The following IFI16 variants were observed in gnomAD, a reference collection of about 807,000 sequenced individuals.
The protein encoded by IFI16 is interferon gamma inducible protein 16.
IFI16 carries 49 observed loss-of-function variants against 68.4 expected under a neutral mutation model. The observed-to-expected ratio is 0.72, with a 90% confidence interval of 0.57 to 0.91. The LOEUF (loss-of-function observed/expected upper bound fraction) is 0.91. Among genes scored for constraint, IFI16 ranks in the 40% least tolerant of loss-of-function variants. IFI16 has a pLI of 0.00. For missense variants in IFI16, 878 were observed against 942.9 expected (o/e 0.93, Z 0.90); for synonymous variants, 307 against 315.0 (o/e 0.97, Z 0.27).
intron 1 of IFI16, among the ~76,000 whole-genome samples, chr1:159,014,114 G>A (rs534687118): frequency 3.2e-4 from 49 of 152,312 alleles, no homozygotes; most frequent in Non-Finnish European, 4.3e-4. Flanking sequence ...CAGAAGCCAT[G>A]GTCTAGCACC....
chr1:159,024,532 A>G (rs1339015988), intron 6 of IFI16, among the ~76,000 whole-genome samples: 1 of 152,198 alleles, frequency 6.6e-6, no homozygotes, highest in Non-Finnish European at 1.5e-5. Flanking sequence ...GCTCTTGAGT[A>G]GTTTAAAGGA....
intron 6 of IFI16, among the ~76,000 whole-genome samples, chr1:159,021,558 A>G (rs922928171): frequency 6.6e-6 from 1 of 152,146 alleles, no homozygotes; most frequent in Non-Finnish European, 1.5e-5. Flanking sequence ...GCTGCTGTAA[A>G]CATGCATGTG....
At chr1:159,043,573 C>T (rs1463756973) in intron 7 of IFI16, among the ~76,000 whole-genome samples, 2 of 152,176 alleles carry the variant, frequency 1.3e-5, no homozygotes, top group African/African-American at 4.8e-5. Context: ...AGCCGGGAAT[C>T]CTTGCTCTTA....
At chr1:159,026,401 C>T (rs748299463) in intron 6 of IFI16, among the ~76,000 whole-genome samples, 5 of 151,614 alleles carry the variant, frequency 3.3e-5, no homozygotes, top group African/African-American at 7.3e-5. Context: ...CGGGTTCAAG[C>T]GATTCTCCTG....
At chr1:159,044,854 G>T (rs1325958716) in intron 7 of IFI16, among the ~76,000 whole-genome samples, 1 of 152,052 alleles carries the variant, frequency 6.6e-6, no homozygotes, top group African/African-American at 2.4e-5. Context: ...GATCCCTAAA[G>T]GATGGAGATC....
intron 6 of IFI16, among the ~76,000 whole-genome samples, chr1:159,031,750 C>T (rs970731444): frequency 6.6e-6 from 1 of 152,094 alleles, no homozygotes; most frequent in African/African-American, 2.4e-5. Context: ...TTGAATATTC[C>T]ACTCACATTT....
chr1:159,015,768 G>A (rs1160950842), intron 2 of IFI16, 104 bp from the exon 3 acceptor site: 2 of 812,840 alleles, frequency 2.5e-6, no homozygotes, highest in African/African-American at 1.7e-5. Flanking sequence ...CCCTCAAGCA[G>A]GAACTGAGAG....
chr1:159,030,021 A>C (rs66831955), intron 6 of IFI16, among the ~76,000 whole-genome samples: 42,923 of 151,852 alleles, frequency 0.28, 8,148 homozygotes, highest in African/African-American at 0.54. Context: ...CATCTTTGTC[A>C]GATTGAGTTA....
chr1:159,043,554 C>T (rs1229844479), intron 7 of IFI16, among the ~76,000 whole-genome samples: 18 of 152,310 alleles, frequency 1.2e-4, no homozygotes, highest in South Asian at 6.2e-4. Flanking sequence ...GTCTGTGATT[C>T]GCAACGTAAG....
At chr1:159,003,784 C>T (rs1438759850), upstream of IFI16, among the ~76,000 whole-genome samples, 1 of 152,088 alleles carries the variant, frequency 6.6e-6, no homozygotes, top group Non-Finnish European at 1.5e-5. Flanking sequence ...CCTCAGCCTC[C>T]CGAGTAGCTG....
Position 159,045,391 on chromosome 1 carries a change from T to C in IFI16, c.1424T>C (p.Ile475Thr). The change falls in exon 8 of 12, where the codon ATA becomes ACA. Residue 475 changes from isoleucine (I) to threonine (T), a missense_variant. This residue lies in a region of IFI16 where 59 missense variants were observed against 119.0 expected (regional missense o/e 0.50). Coordinates refer to ENST00000295809, the MANE Select transcript of IFI16 (RefSeq NM_001376587.1). ...SHFPGPFMTS[I>T]GPAESHPHTP... ...TTTCCAGGACCGTTCATGACCAGCA[T>C]AGGCCCAGCTGAGAGCCATCCCCAC... 2 of 1,591,592 alleles carry C rather than the reference T, an allele frequency of 1.3e-6. No homozygotes were observed. The highest frequency in any genetic ancestry group is 1.1e-5 in the South Asian group (1 of 90,078).
At chr1:159,042,498 C>G (rs1383381207) in intron 7 of IFI16, among the ~76,000 whole-genome samples, 1 of 152,158 alleles carries the variant, frequency 6.6e-6, no homozygotes, top group Non-Finnish European at 1.5e-5. Context: ...TGCTCTTAAC[C>G]ACATCGGGGG....
chr1:159,025,734 G>A (rs898579246), intron 6 of IFI16, among the ~76,000 whole-genome samples: 36 of 152,172 alleles, frequency 2.4e-4, no homozygotes, highest in Non-Finnish European at 4.7e-4. Flanking sequence ...TCTTAGTCCT[G>A]AAGTCTCTGC....
Position 159,014,839 on chromosome 1 carries a change from A to G in IFI16, c.159A>G (p.Glu53=). Reference sequence around the variant, plus strand: ...AAATTCAGATTGCTGACTTGATGGAAGAAAAGTTCCGAGGTGATGCTGGTT... The same window carrying G: ...AAATTCAGATTGCTGACTTGATGGAGGAAAAGTTCCGAGGTGATGCTGGTT... ...YDKIQIADLM[E]EKFRGDAGLG... Residue 53 remains glutamate, a synonymous_variant, in exon 2 of 12, where the codon GAA becomes GAG. Transcript: ENST00000295809. 2 of 1,614,172 alleles carry G rather than the reference A, an allele frequency of 1.2e-6. No homozygotes were observed. Among genetic ancestry groups the G allele is most frequent in the Non-Finnish European group, 1.7e-6 (2 of 1,179,970 alleles).
At position 159,018,358 on chromosome 1, in the gene IFI16, A is replaced by G; in HGVS notation, c.679A>G (p.Ile227Val). 1 of 1,614,250 alleles carries G rather than the reference A, an allele frequency of 6.2e-7. No individual in the cohort carries two copies. The highest frequency in any genetic ancestry group is 1.1e-5 in the South Asian group (1 of 91,092). ...TGAGACCCCAGAAATGGAGAAAAAAATAATGTTTCATGCTACAGTGGCTAC... is the reference window on the plus strand; with the variant it reads ...TGAGACCCCAGAAATGGAGAAAAAAGTAATGTTTCATGCTACAGTGGCTAC... ...EYETPEMEKK[I>V]MFHATVATQT... Residue 227 changes from isoleucine to valine, a missense_variant, in exon 5 of 12, where the codon ATA becomes GTA. This residue lies in a region of IFI16 where 443 missense variants were observed against 421.8 expected (regional missense o/e 1.05). Coordinates refer to ENST00000295809, the MANE Select transcript of IFI16 (RefSeq NM_001376587.1).
intron 7 of IFI16, among the ~76,000 whole-genome samples, chr1:159,038,273 G>A (rs1453940466): frequency 1.3e-5 from 2 of 151,960 alleles, no homozygotes; most frequent in African/African-American, 4.8e-5. Flanking sequence ...GGTGCATAAC[G>A]GGCCTATAGG....
At chr1:159,044,315 TAGATTGA>T (rs1571885134) in intron 7 of IFI16, among the ~76,000 whole-genome samples, 1 of 152,184 alleles carries the variant, frequency 6.6e-6, no homozygotes, top group Admixed American at 6.5e-5. Flanking sequence ...TTAATGAGCA[TAGATTGA>T]ATCCACAGTA....
At chr1:159,024,690 G>A (rs769668581) in intron 6 of IFI16, among the ~76,000 whole-genome samples, 4 of 152,086 alleles carry the variant, frequency 2.6e-5, no homozygotes, top group Admixed American at 1.3e-4. Context: ...GCTAGCTGTC[G>A]TTAATCTTTT....
intron 6 of IFI16, among the ~76,000 whole-genome samples, chr1:159,021,588 A>G (rs1435319801): frequency 6.6e-6 from 1 of 151,978 alleles, no homozygotes; most frequent in Non-Finnish European, 1.5e-5. Flanking sequence ...TTTTTTGTAT[A>G]CTGACTTCTT....
Sources: gnomAD v4.1 joint callset for allele counts (sites outside exome capture counted in the v4.1 genomes callset) on GRCh38, gnomAD v4.1.1 for gene constraint, gnomAD v4.1.1 regional missense constraint, MANE v1.5 for transcripts, NCBI Gene and HGNC (gene_info 2026-07-23, HGNC 2026-07-21) for gene names.